FAT3: variants seen among roughly 807,000 people sequenced by gnomAD.
FAT3 encodes the protein protocadherin Fat 3.
FAT3 carries 95 observed loss-of-function variants against 310.2 expected under a neutral mutation model. The observed-to-expected ratio is 0.31, with a 90% confidence interval of 0.26 to 0.36. FAT3 has a LOEUF of 0.36. FAT3 is among the 10% of genes least tolerant of loss of function. The pLI is 1.00. For synonymous variants in FAT3, 2,314 were observed against 2,192.9 expected (o/e 1.06, Z -1.54); for missense variants, 5,408 against 5,715.6 (o/e 0.95, Z 1.74).
At position 92,764,938 on chromosome 11, in the gene FAT3, A is replaced by T. The variant is rs764641571; in HGVS notation, c.4044A>T (p.Glu1348Asp). The change falls in exon 6 of 28, where the codon GAA becomes GAT. Residue 1348 changes from glutamate (E) to aspartate (D), a missense_variant. Glu to Asp is a conservative substitution (Grantham distance 45). Coordinates refer to ENST00000525166, the MANE Select transcript of FAT3 (RefSeq NM_001367949.2). ...QKSSTARLHI[E>D]WIKKPPPSPI... Reference sequence around the variant, plus strand: ...CCTCCACGGCCCGCCTCCACATTGAATGGATTAAGAAACCACCCCCTTCAC... The same window carrying T: ...CCTCCACGGCCCGCCTCCACATTGATTGGATTAAGAAACCACCCCCTTCAC... 1 of 1,613,864 alleles carries T rather than the reference A, an allele frequency of 6.2e-7. No homozygotes were observed.
At chr11:92,447,580 A>AT (rs1951251095) in intron 2 of FAT3, among the ~76,000 whole-genome samples, 1 of 152,140 alleles carries the variant, frequency 6.6e-6, no homozygotes, top group Admixed American at 6.5e-5. Flanking sequence ...GTACAAAGTA[A>AT]GGTAACACCT....
chr11:92,281,368 A>T (rs912893538), intron 1 of FAT3, among the ~76,000 whole-genome samples: 4 of 152,188 alleles, frequency 2.6e-5, no homozygotes, highest in African/African-American at 9.6e-5. Context: ...AAGTTTCTAC[A>T]AGTATAGATG....
At chr11:92,264,862 C>G (rs1945889704) in intron 1 of FAT3, among the ~76,000 whole-genome samples, 1 of 151,990 alleles carries the variant, frequency 6.6e-6, no homozygotes, top group South Asian at 2.1e-4. Flanking sequence ...GTTAATCATT[C>G]AAAGAATAAC....
chr11:92,358,434 A>C (rs1391543410), intron 2 of FAT3, among the ~76,000 whole-genome samples: 1 of 151,992 alleles, frequency 6.6e-6, no homozygotes, highest in Non-Finnish European at 1.5e-5. Flanking sequence ...ATGTTTTTTC[A>C]TAGTTTTAAA....
At chr11:92,255,189 C>A (rs896791024) in intron 1 of FAT3, among the ~76,000 whole-genome samples, 7 of 152,078 alleles carry the variant, frequency 4.6e-5, no homozygotes, top group Non-Finnish European at 1.0e-4. Flanking sequence ...CCTTCAGACC[C>A]AAGTGGCTAC....
At chr11:92,820,460 A>G (rs1947935966) in intron 13 of FAT3, among the ~76,000 whole-genome samples, 1 of 152,102 alleles carries the variant, frequency 6.6e-6, no homozygotes, top group African/African-American at 2.4e-5. Context: ...GGGCCTCAAC[A>G]TATGAATTTT....
chr11:92,725,754 T>C (rs1944980493), intron 4 of FAT3, among the ~76,000 whole-genome samples: 1 of 152,164 alleles, frequency 6.6e-6, no homozygotes, highest in Non-Finnish European at 1.5e-5. Context: ...GTGTTTCTAT[T>C]TTCCTTTGAA....
At chr11:92,555,355 T>C (rs1046538325) in intron 3 of FAT3, among the ~76,000 whole-genome samples, 1 of 152,256 alleles carries the variant, frequency 6.6e-6, no homozygotes, top group Admixed American at 6.5e-5. Context: ...TAACTTTGCA[T>C]TGGAAATAAC....
intron 3 of FAT3, among the ~76,000 whole-genome samples, chr11:92,555,662 G>C (rs1270296791): frequency 6.6e-6 from 1 of 152,168 alleles, no homozygotes; most frequent in Non-Finnish European, 1.5e-5. Context: ...AAGGAAAGCA[G>C]TGGCCTGTGT....
chr11:92,251,146 T>TA (rs1865121134), intron 1 of FAT3, among the ~76,000 whole-genome samples: 1 of 152,168 alleles, frequency 6.6e-6, no homozygotes. Context: ...TACTATTAAT[T>TA]AAAAACTGAC....
intron 9 of FAT3, among the ~76,000 whole-genome samples, chr11:92,793,507 C>A (rs1947089296): frequency 6.6e-6 from 1 of 152,074 alleles, no homozygotes; most frequent in South Asian, 2.1e-4. Context: ...GCTTGCTGAA[C>A]CTGACAAATA....
chr11:92,830,034 T>G (rs1396497179), intron 13 of FAT3, among the ~76,000 whole-genome samples: 1 of 152,146 alleles, frequency 6.6e-6, no homozygotes, highest in African/African-American at 2.4e-5. Flanking sequence ...CTCTAAGAGC[T>G]TATATTCTAT....
intron 6 of FAT3, among the ~76,000 whole-genome samples, chr11:92,768,375 T>C (rs1474868392): frequency 6.6e-6 from 1 of 152,222 alleles, no homozygotes; most frequent in Admixed American, 6.5e-5. Flanking sequence ...ACCAAATCTT[T>C]ATTTCAGCGC....
chr11:92,868,455 AT>A (rs1385664988), intron 22 of FAT3, among the ~76,000 whole-genome samples: 5 of 152,364 alleles, frequency 3.3e-5, no homozygotes, highest in Admixed American at 2.0e-4. Context: ...TAATTCCCAA[AT>A]GATGGGCAGT....
At chr11:92,820,719 C>G (rs746915174) in intron 13 of FAT3, among the ~76,000 whole-genome samples, 8 of 152,072 alleles carry the variant, frequency 5.3e-5, no homozygotes, top group Admixed American at 2.6e-4. Flanking sequence ...CCATAGATAA[C>G]CAGCTAAAAA....
chr11:92,227,519 A>G (rs1235243000), intron 1 of FAT3, among the ~76,000 whole-genome samples: 2 of 152,170 alleles, frequency 1.3e-5, no homozygotes, highest in Non-Finnish European at 1.5e-5. Flanking sequence ...ACATCTCAGT[A>G]TCGATCAAAC....
At chr11:92,325,894 T>C (rs1278223385) in intron 1 of FAT3, among the ~76,000 whole-genome samples, 1 of 152,206 alleles carries the variant, frequency 6.6e-6, no homozygotes, top group Non-Finnish European at 1.5e-5. Flanking sequence ...CCTCCCAAAG[T>C]GCTGGGATTA....
At chr11:92,490,835 C>A (rs889162276) in intron 2 of FAT3, among the ~76,000 whole-genome samples, 6 of 152,180 alleles carry the variant, frequency 3.9e-5, no homozygotes, top group African/African-American at 9.6e-5. Flanking sequence ...TCTTGCTAGG[C>A]AGCTTGATGT....
chr11:92,307,039 C>G lies in FAT3; in HGVS notation c.-17-45057C>G, dbSNP rs984422100. 1.7e-4 allele frequency among the ~76,000 whole-genome samples: 26 copies of G among 151,156 alleles called. 1 individual carries two copies. The highest frequency in any genetic ancestry group is 6.3e-4 in the African/African-American group (26 of 41,044). ...CTCCAACTCTTGGGGTCAAGTTATC[C>G]TCCAACCTCAGCCTCCCAAAGTGCT... is the stretch of plus-strand genomic sequence containing the variant. On this transcript the variant is annotated intron_variant, in intron 1 of 27. Coordinates refer to ENST00000525166, the MANE Select transcript of FAT3 (RefSeq NM_001367949.2).
Sources: gnomAD v4.1 joint callset for allele counts (sites outside exome capture counted in the v4.1 genomes callset) on GRCh38, gnomAD v4.1.1 for gene constraint, MANE v1.5 for transcripts, NCBI Gene and HGNC (gene_info 2026-07-23, HGNC 2026-07-21) for gene names.